The following NHS variants were observed in gnomAD, a reference collection of about 807,000 sequenced individuals.
NHS encodes the protein NHS actin remodeling regulator, also known as actin remodeling regulator NHS.
In NHS, 5 loss-of-function variants were observed where a neutral mutation model predicts 72.5. That is an observed-to-expected ratio of 0.07 (90% CI 0.04 to 0.14). The LOEUF is 0.14. Among genes scored for constraint, NHS ranks in the 10% least tolerant of loss-of-function variants. The pLI is 1.00. For synonymous variants in NHS, 464 were observed against 547.7 expected, an observed-to-expected ratio of 0.85 and a Z score of 2.13; for missense variants, 1,072 against 1,355.7, an observed-to-expected ratio of 0.79 and a Z score of 3.29.
intron 1 of NHS, among the ~76,000 whole-genome samples, chrX:17,604,886 C>T (rs2065671394): frequency 8.9e-6 from 1 of 111,850 alleles, no homozygotes; most frequent in Admixed American, 9.5e-5. Flanking sequence ...GAAGAAATGT[C>T]AAAGCTGGCT....
chrX:17,442,280 T>C (rs1569255363), intron 1 of NHS, among the ~76,000 whole-genome samples: 1 of 112,462 alleles, frequency 8.9e-6, no homozygotes, highest in African/African-American at 3.2e-5. Context: ...CTCTGCTCCA[T>C]GCAGTCATTC....
intron 1 of NHS, among the ~76,000 whole-genome samples, chrX:17,426,409 C>T (rs769904719): frequency 2.8e-4 from 31 of 111,555 alleles, no homozygotes; most frequent in South Asian, 7.7e-4. Flanking sequence ...CTATTAAACT[C>T]GACCTGAGAG....
intron 1 of NHS, among the ~76,000 whole-genome samples, chrX:17,400,697 T>C (rs1420436265): frequency 8.9e-6 from 1 of 111,953 alleles, no homozygotes; most frequent in Non-Finnish European, 1.9e-5. Context: ...GCAAGACTCA[T>C]GCACTGAAAA....
At chrX:17,721,726 G>A in intron 5 of NHS, 93 bp downstream of exon 5, 1 of 781,495 alleles carries the variant, frequency 1.3e-6, no homozygotes, top group South Asian at 2.9e-5. Flanking sequence ...ATACCATTTT[G>A]TAAACAAGTA....
intron 1 of NHS, among the ~76,000 whole-genome samples, chrX:17,626,053 A>G (rs1359625523): frequency 1.8e-5 from 2 of 112,481 alleles, no homozygotes; most frequent in African/African-American, 6.5e-5. Context: ...CCATATTCAA[A>G]TTAATTAAAA....
intron 1 of NHS, among the ~76,000 whole-genome samples, chrX:17,580,982 T>C (rs1808871379): frequency 8.9e-6 from 1 of 111,864 alleles, no homozygotes; most frequent in Non-Finnish European, 1.9e-5. Flanking sequence ...GTATGCCTCG[T>C]TCAAATTCCC....
At chrX:17,527,858 T>A (rs1279600342) in intron 1 of NHS, among the ~76,000 whole-genome samples, 1 of 111,534 alleles carries the variant, frequency 9.0e-6, no homozygotes, top group African/African-American at 3.3e-5. Context: ...GTAAAAGCGC[T>A]GCTCCCTTCA....
At chrX:17,624,172 T>C (rs1036882425) in intron 1 of NHS, among the ~76,000 whole-genome samples, 2 of 112,593 alleles carry the variant, frequency 1.8e-5, no homozygotes, top group African/African-American at 6.5e-5. Context: ...TACCTCCAAA[T>C]GAAATCTACT....
At chrX:17,610,563 T>C (rs1213896829) in intron 1 of NHS, among the ~76,000 whole-genome samples, 2 of 111,965 alleles carry the variant, frequency 1.8e-5, no homozygotes, top group Non-Finnish European at 3.8e-5. Flanking sequence ...CATCCTTTAG[T>C]GCTGCCATTA....
intron 1 of NHS, among the ~76,000 whole-genome samples, chrX:17,620,647 G>A (rs1419564425): frequency 9.0e-6 from 1 of 111,200 alleles, no homozygotes; most frequent in Admixed American, 9.5e-5. Context: ...CCTGGATCCC[G>A]AAGATTCCAT....
intron 1 of NHS, among the ~76,000 whole-genome samples, chrX:17,377,360 G>A (rs2064352114): frequency 8.9e-6 from 1 of 112,872 alleles, no homozygotes; most frequent in African/African-American, 3.2e-5. Flanking sequence ...ATCTGGCGAC[G>A]GCAGAATCAT....
intron 1 of NHS, among the ~76,000 whole-genome samples, chrX:17,572,671 C>T (rs2065487885): frequency 9.1e-6 from 1 of 109,749 alleles, no homozygotes; most frequent in Non-Finnish European, 1.9e-5. Flanking sequence ...GCATTTAGCC[C>T]GTTTACATTT....
chrX:17,421,227 G>A (rs888267888), intron 1 of NHS, among the ~76,000 whole-genome samples: 4 of 99,631 alleles, frequency 4.0e-5, no homozygotes, highest in Non-Finnish European at 7.9e-5. Flanking sequence ...GCAGCTCTAC[G>A]TGTGTGTGTG....
chrX:17,535,512 C>G (rs1193406142), intron 1 of NHS, among the ~76,000 whole-genome samples: 2 of 111,580 alleles, frequency 1.8e-5, no homozygotes, highest in East Asian at 5.6e-4. Context: ...GATCAAGAAC[C>G]TCAGACTGGG....
chrX:17,398,505 TA>T (rs2064487269), intron 1 of NHS, among the ~76,000 whole-genome samples: 1 of 112,432 alleles, frequency 8.9e-6, no homozygotes, highest in Admixed American at 9.4e-5. Context: ...CAAATAACCC[TA>T]AAAATCAGTG....
At chrX:17,516,568 C>CGT (rs1491182807) in intron 1 of NHS, among the ~76,000 whole-genome samples, 3 of 84,301 alleles carry the variant, frequency 3.6e-5, no homozygotes, top group Non-Finnish European at 4.4e-5. Context: ...CACACACACA[C>CGT]GCGCACACAC....
chrX:17,575,457 C>T (rs28507724), intron 1 of NHS, among the ~76,000 whole-genome samples: 33,817 of 111,495 alleles, frequency 0.3, 3,880 homozygotes, highest in East Asian at 0.71. Context: ...CTGCTGTTTC[C>T]TCTGCTATTT....
intron 3 of NHS, among the ~76,000 whole-genome samples, chrX:17,695,508 A>G (rs1601840575): frequency 8.9e-6 from 1 of 112,106 alleles, no homozygotes. Context: ...CAACGAGTGT[A>G]TATGTATGTG....
chrX:17,656,892 C>T (rs2065959441), intron 1 of NHS, among the ~76,000 whole-genome samples: 1 of 112,309 alleles, frequency 8.9e-6, no homozygotes, highest in Non-Finnish European at 1.9e-5. Flanking sequence ...TCGAGGATCC[C>T]GCTTGGTGCC....
Sources: allele counts gnomAD v4.1 joint callset (sites outside exome capture counted in the v4.1 genomes callset), GRCh38; gene constraint gnomAD v4.1.1; transcripts MANE v1.5; gene names NCBI Gene and HGNC (gene_info 2026-07-23, HGNC 2026-07-21).